PRKCZ: variants seen among roughly 807,000 people sequenced by gnomAD.
The protein encoded by PRKCZ is protein kinase C zeta.
Under a neutral mutation model 79.5 loss-of-function variants are expected in PRKCZ, and 33 were observed. That is an observed-to-expected ratio of 0.41 (90% CI 0.31 to 0.55). PRKCZ has a LOEUF of 0.55. PRKCZ is among the 20% of genes least tolerant of loss of function. PRKCZ has a pLI of 0.19. For missense variants in PRKCZ, 578 were observed against 813.5 expected (o/e 0.71, Z 3.52); for synonymous variants, 342 against 320.9 (o/e 1.07, Z -0.70).
intron 4 of PRKCZ, among the ~76,000 whole-genome samples, chr1:2,067,285 TG>T (rs1328478272): frequency 6.6e-6 from 1 of 152,236 alleles, no homozygotes; most frequent in African/African-American, 2.4e-5. Context: ...TGCGGGTTAC[TG>T]TGTTGTTCAA....
At chr1:2,074,586 G>A (rs1388024956) in intron 4 of PRKCZ, 2 of 510,006 alleles carry the variant, frequency 3.9e-6, no homozygotes, top group Non-Finnish European at 7.0e-6. Flanking sequence ...CAGGCCTGCG[G>A]TCTTTCCGTC....
In PRKCZ at chr1:2,173,555, C is replaced by T. The variant is rs535267580; in HGVS notation, c.1286-342C>T. 4.6e-5 allele frequency among the ~76,000 whole-genome samples: 7 copies of T among 152,356 alleles called. No homozygotes were observed. Among genetic ancestry groups the T allele is most frequent in the African/African-American group, 1.7e-4 (7 of 41,578 alleles). On this transcript the variant is annotated intron_variant, in intron 13 of 17. Coordinates refer to ENST00000378567, the MANE Select transcript of PRKCZ (RefSeq NM_002744.6). This position sits in a 1 kb window ranked among gnomAD's most constrained non-coding sequence, Gnocchi z 5.7. ...TTCCGTTACTGCAGCGAAAGGGCTTCTTCAAGCTTAGTTCTGTAGAAGCAG... is the reference window on the plus strand; with the variant it reads ...TTCCGTTACTGCAGCGAAAGGGCTTTTTCAAGCTTAGTTCTGTAGAAGCAG...
In PRKCZ at chr1:2,082,195, G is replaced by A. The variant is rs552293461; in HGVS notation, c.334+22604G>A. On this transcript the variant is annotated intron_variant, in intron 4 of 17. Transcript: ENST00000378567. This position sits in a 1 kb window ranked among gnomAD's most constrained non-coding sequence, Gnocchi z 4.4. ...GTTCTTTGCAGCCCTTGGCAGCGTC[G>A]CCCGCTCTGTCCCGCCTGTTGTGTG... 8 of 350,346 alleles carry A rather than the reference G, an allele frequency of 2.3e-5. No individual in the cohort carries two copies. Among genetic ancestry groups the A allele is most frequent in the Non-Finnish European group, 3.4e-5 (6 of 178,254 alleles). The allele number at this position is 350,346 out of a possible 1,614,324, so 21.7% of individuals were successfully genotyped here. A position where few individuals can be genotyped will look rare whatever the true frequency, so the allele number is the denominator to read the frequency against.
intron 4 of PRKCZ, among the ~76,000 whole-genome samples, chr1:2,110,636 C>T (rs1669543119): frequency 6.6e-6 from 1 of 152,184 alleles, no homozygotes; most frequent in South Asian, 2.1e-4. Flanking sequence ...GGTCACTTGT[C>T]CACCCTCACA....
chr1:2,055,987 A>G (rs371938597), intron 2 of PRKCZ: 6 of 183,398 alleles, frequency 3.3e-5, no homozygotes, highest in African/African-American at 1.2e-4. Flanking sequence ...ATCCTGAAAA[A>G]CAAGGGGATT....
In PRKCZ at chr1:2,125,382, G is replaced by A. The variant is rs1280682213; in HGVS notation, c.335-9880G>A. Among the ~76,000 whole-genome samples, 2 of 152,228 alleles carry A rather than the reference G, an allele frequency of 1.3e-5. No homozygotes were observed. The highest frequency in any genetic ancestry group is 2.9e-5 in the Non-Finnish European group (2 of 68,046). On this transcript the variant is annotated intron_variant, in intron 4 of 17. Coordinates refer to ENST00000378567, the MANE Select transcript of PRKCZ (RefSeq NM_002744.6). The surrounding 1 kb of genome is among the most constrained non-coding windows in gnomAD (Gnocchi z 4.2). ...TTCAGTAGAACTGATTGTAAGGCCA[G>A]ACTGTTGGAATGTAATTCCTTCCCA... is the stretch of plus-strand genomic sequence containing the variant.
At chr1:2,180,060 G>A (rs937603181) in intron 16 of PRKCZ, among the ~76,000 whole-genome samples, 1 of 152,182 alleles carries the variant, frequency 6.6e-6, no homozygotes, top group Non-Finnish European at 1.5e-5. Flanking sequence ...CTCATGGAGA[G>A]GGACAAGCCC....
At chr1:2,158,486 G>A (rs971651922) in intron 10 of PRKCZ, among the ~76,000 whole-genome samples, 2 of 152,176 alleles carry the variant, frequency 1.3e-5, no homozygotes, top group Non-Finnish European at 2.9e-5. Flanking sequence ...CCTGCTTCCC[G>A]GAGTGAGTCA....
intron 4 of PRKCZ, among the ~76,000 whole-genome samples, chr1:2,132,032 C>G (rs3128292): frequency 0.094 from 14,255 of 152,172 alleles, 2,071 homozygotes; most frequent in African/African-American, 0.31. Flanking sequence ...AGGATGGTCT[C>G]GATCTCCTGA....
rs1170499446 is a variant in PRKCZ, at chr1:2,055,556, A to G, written c.187A>G (p.Ser63Gly). 3 of 1,613,208 alleles carry G rather than the reference A, an allele frequency of 1.9e-6. No individual in the cohort carries two copies. Among genetic ancestry groups the G allele is most frequent in the Non-Finnish European group, 2.5e-6 (3 of 1,179,640 alleles). The change falls in exon 2 of 18, where the codon AGC becomes GGC. Residue 63 changes from serine (S) to glycine (G), a missense_variant. Physicochemically the swap from Ser to Gly is moderately conservative, Grantham distance 56. Around this residue, in one of 4 missense-constraint regions of PRKCZ, gnomAD observed 228 missense variants for 211.6 expected, o/e 1.08. Coordinates refer to ENST00000378567, the MANE Select transcript of PRKCZ (RefSeq NM_002744.6). The stretch of plus-strand genomic sequence containing the variant: ...CCCGCTCACCCTCAAGTGGGTGGAC[A>G]GCGAAGGTAGCCCTTGTCCCATGTT... ...QHPLTLKWVD[S>G]EGDPCTVSSQ...
chr1:2,137,196 C>A (rs947140816), intron 5 of PRKCZ, among the ~76,000 whole-genome samples: 2 of 152,132 alleles, frequency 1.3e-5, no homozygotes, highest in African/African-American at 4.8e-5. Flanking sequence ...CAGGGTAGGA[C>A]GAGTGGCAGG....
intron 9 of PRKCZ, 101 bp downstream of exon 9, chr1:2,151,079 C>T (rs1391256508): frequency 7.4e-7 from 1 of 1,356,228 alleles, no homozygotes; most frequent in African/African-American, 1.5e-5. Flanking sequence ...GAGACCTAGC[C>T]TCACGTTGAC....
At position 2,050,595 on chromosome 1, in the gene PRKCZ, G is replaced by C; in HGVS notation, c.-36G>C. On this transcript the variant is annotated 5_prime_UTR_variant, in exon 1 of 18. Coordinates refer to ENST00000378567, the MANE Select transcript of PRKCZ (RefSeq NM_002744.6). ...GCCCCGCGCCATGGCCGGAGCTCCC[G>C]GGGCGCAGCGCTGACGGCGGCGGGG... The C allele has an allele frequency of 1.7e-6, 2 of 1,202,254 alleles. No homozygotes were observed. The highest frequency in any genetic ancestry group is 8.4e-5 in the South Asian group (2 of 23,896). The allele number at this position is 1,202,254 out of a possible 1,614,324, so 74.5% of individuals were successfully genotyped here.
At chr1:2,056,690 G>A in intron 3 of PRKCZ, 117 bp downstream of exon 3, 1 of 929,812 alleles carries the variant, frequency 1.1e-6, no homozygotes, top group Non-Finnish European at 1.6e-6. Context: ...GAGAATTTAG[G>A]GATGTCTAAT....
intron 16 of PRKCZ, among the ~76,000 whole-genome samples, chr1:2,181,439 C>T (rs543426934): frequency 9.8e-5 from 15 of 152,344 alleles, no homozygotes; most frequent in South Asian, 2.1e-4. Context: ...CCACAGCGTC[C>T]GACCTGGGGC....
At chr1:2,126,695 G>C (rs1273153315) in intron 4 of PRKCZ, among the ~76,000 whole-genome samples, 3 of 152,232 alleles carry the variant, frequency 2.0e-5, no homozygotes, top group Non-Finnish European at 2.9e-5. Context: ...GAATGGCATT[G>C]CGCAGCTCCA....
chr1:2,091,329 G>A (rs540239781), intron 4 of PRKCZ, among the ~76,000 whole-genome samples: 1 of 152,194 alleles, frequency 6.6e-6, no homozygotes, highest in Non-Finnish European at 1.5e-5. Context: ...GAGCCACCGC[G>A]CCTGGCCTGT....
At chr1:2,144,615 C>G (rs566006761) in intron 6 of PRKCZ, 2 of 1,278,542 alleles carry the variant, frequency 1.6e-6, no homozygotes, top group Non-Finnish European at 2.0e-6. Context: ...CTCAGTGGGT[C>G]GGAGGTAAGG....
chr1:2,059,236 G>A (rs1660452347), intron 3 of PRKCZ, among the ~76,000 whole-genome samples: 1 of 152,226 alleles, frequency 6.6e-6, no homozygotes. Flanking sequence ...CAAAGTAATT[G>A]CATTTCTTTC....
Sources: allele counts gnomAD v4.1 joint callset (sites outside exome capture counted in the v4.1 genomes callset), GRCh38; gene constraint gnomAD v4.1.1; regional missense constraint gnomAD v4.1.1; non-coding constraint Gnocchi (gnomAD v3.1); transcripts MANE v1.5; gene names NCBI Gene and HGNC (gene_info 2026-07-23, HGNC 2026-07-21).